Variants in BSN observed in about 807,000 individuals in gnomAD.
BSN encodes the protein bassoon presynaptic cytomatrix protein.
Under a neutral mutation model 264.8 loss-of-function variants are expected in BSN, and 57 were observed. That is an observed-to-expected ratio of 0.22 (90% CI 0.17 to 0.27). The LOEUF (loss-of-function observed/expected upper bound fraction) is 0.27, where lower values mean the gene tolerates loss of function less well. Ranked by LOEUF, BSN falls within the 10% of genes least tolerant of loss-of-function variation. The pLI, the probability that BSN is intolerant of heterozygous loss-of-function variation, is 1.00. For missense variants in BSN, 4,615 were observed against 5,232.5 expected, an observed-to-expected ratio of 0.88 and a Z score of 3.64; for synonymous variants, 2,059 against 2,137.3, an observed-to-expected ratio of 0.96 and a Z score of 1.01.
chr3:49,572,044 C>A (rs1532204), intron 1 of BSN, among the ~76,000 whole-genome samples: 1 of 152,042 alleles, frequency 6.6e-6, no homozygotes, highest in African/African-American at 2.4e-5. Context: ...GAGTTCACAG[C>A]GGAAACACAA....
chr3:49,567,786 C>T (rs1192877994), intron 1 of BSN, among the ~76,000 whole-genome samples: 1 of 152,192 alleles, frequency 6.6e-6, no homozygotes, highest in Non-Finnish European at 1.5e-5. Context: ...GGAATTTGGG[C>T]AGAGCACAGT....
At position 49,651,914 on chromosome 3, in the gene BSN, C is replaced by G; in HGVS notation, c.2358C>G (p.Asp786Glu). ...AGGATATCCTGGAGGAAGACGAAGA[C>G]TCTGCTGAGTGGAGGCGCCGGAGAG... ...ELEDILEEDE[D>E]SAEWRRRREQ... Residue 786 changes from aspartate to glutamate, a missense_variant, in exon 5 of 12, where the codon GAC becomes GAG. By Grantham distance (45) the Asp-to-Glu change is conservative. Around this residue, in one of 3 missense-constraint regions of BSN, gnomAD observed 1,197 missense variants for 1,348.0 expected, o/e 0.89. Transcript: ENST00000296452. This position sits in a 1 kb window ranked among gnomAD's most constrained non-coding sequence, Gnocchi z 5.4. The G allele has an allele frequency of 6.2e-7, 1 of 1,613,916 alleles. No individual in the cohort carries two copies. Among genetic ancestry groups the G allele is most frequent in the Non-Finnish European group, 8.5e-7 (1 of 1,179,966 alleles).
rs1188368072 is a variant in BSN at position 49,653,547 on chromosome 3, A to G, written c.3991A>G (p.Ser1331Gly). The change falls in exon 5 of 12, where the codon AGC (serine) becomes GGC (glycine). Residue 1331 changes from serine (S) to glycine (G), a missense_variant. By Grantham distance (56) the Ser-to-Gly change is moderately conservative. This residue lies in a region of BSN where 3,415 missense variants were observed against 3,866.4 expected (regional missense o/e 0.88). Coordinates refer to ENST00000296452, the MANE Select transcript of BSN (RefSeq NM_003458.4). The surrounding 1 kb of genome is among the most constrained non-coding windows in gnomAD (Gnocchi z 6.3). ...CTTCTCTACCCCCACCTCCTCAGAC[A>G]GCAGCGGGGGCCGAGTTATTCCCGA... is the stretch of plus-strand genomic sequence containing the variant. ...VSFSTPTSSD[S>G]SGGRVIPDVR... 15 of 1,613,866 alleles carry G rather than the reference A, an allele frequency of 9.3e-6. 1 individual carries two copies. The highest frequency in any genetic ancestry group is 8.8e-5 in the South Asian group (8 of 91,062).
intron 2 of BSN, among the ~76,000 whole-genome samples, chr3:49,629,155 GT>G (rs1243691820): frequency 2.0e-5 from 3 of 152,214 alleles, no homozygotes; most frequent in African/African-American, 7.2e-5. Flanking sequence ...TAGATGTGGG[GT>G]TTTGGACAAA....
At chr3:49,610,169 C>A (rs2052194129) in intron 1 of BSN, among the ~76,000 whole-genome samples, 1 of 152,238 alleles carries the variant, frequency 6.6e-6, no homozygotes, top group African/African-American at 2.4e-5. Context: ...CCCCAGACCA[C>A]TGACCCCTCC....
At chr3:49,596,260 C>T (rs907142503) in intron 1 of BSN, among the ~76,000 whole-genome samples, 2 of 151,868 alleles carry the variant, frequency 1.3e-5, no homozygotes, top group Admixed American at 6.6e-5. Context: ...AAAAATTAGC[C>T]GGGTGTGGTG....
chr3:49,572,160 T>G (rs2051801981), intron 1 of BSN, among the ~76,000 whole-genome samples: 1 of 152,188 alleles, frequency 6.6e-6, no homozygotes, highest in African/African-American at 2.4e-5. Flanking sequence ...AGCTCTTTTC[T>G]TGGGAAAACT....
In BSN at chr3:49,655,148, G is replaced by A; in HGVS notation, c.5592G>A (p.Val1864=). The stretch of plus-strand genomic sequence containing the variant: ...GTGCCAGGAAGCCACACACAGTGGT[G>A]GTGCAGATGGGAGAGGGCACAGCAG... ...LPGARKPHTV[V]VQMGEGTAGT... The change falls in exon 5 of 12, where the codon GTG becomes GTA. Residue 1864 remains valine (V), a synonymous_variant. Coordinates refer to ENST00000296452, the MANE Select transcript of BSN (RefSeq NM_003458.4). 7 of 1,612,584 alleles carry A rather than the reference G, an allele frequency of 4.3e-6. No individual in the cohort carries two copies. Among genetic ancestry groups the A allele is most frequent in the Non-Finnish European group, 5.9e-6 (7 of 1,179,748 alleles).
chr3:49,588,528 A>G (rs1452442265), intron 1 of BSN, among the ~76,000 whole-genome samples: 2 of 152,206 alleles, frequency 1.3e-5, no homozygotes, highest in African/African-American at 4.8e-5. Flanking sequence ...TTCAGCATCA[A>G]TTGAAATGAA....
At chr3:49,580,212 C>T (rs2051885214) in intron 1 of BSN, among the ~76,000 whole-genome samples, 1 of 151,664 alleles carries the variant, frequency 6.6e-6, no homozygotes, top group African/African-American at 2.4e-5. Context: ...CCCTGAGTAG[C>T]TGGGACTACA....
chr3:49,560,728 A>C (rs1559591785), intron 1 of BSN, among the ~76,000 whole-genome samples: 1 of 152,046 alleles, frequency 6.6e-6, no homozygotes, highest in Non-Finnish European at 1.5e-5. Context: ...ATCTCCTCTC[A>C]CTAGCACAGT....
intron 1 of BSN, among the ~76,000 whole-genome samples, chr3:49,580,646 A>G (rs539800269): frequency 1.3e-5 from 2 of 152,102 alleles, no homozygotes; most frequent in East Asian, 3.9e-4. Flanking sequence ...TTTTGTAGAT[A>G]TCAGGTTTTA....
chr3:49,648,376 C>G (rs1183859915), intron 3 of BSN, among the ~76,000 whole-genome samples: 1 of 152,354 alleles, frequency 6.6e-6, no homozygotes, highest in Admixed American at 6.5e-5. Context: ...TGCCTTGGGC[C>G]AGCCCACTGG....
At position 49,652,251 on chromosome 3, in the gene BSN, C is replaced by G. The variant is rs1289345204; in HGVS notation, c.2695C>G (p.His899Asp). 1 of 1,604,688 alleles carries G rather than the reference C, an allele frequency of 6.2e-7. No homozygotes were observed. Among genetic ancestry groups the G allele is most frequent in the Admixed American group, 1.7e-5 (1 of 58,882 alleles). Reference protein sequence around the residue: ...PAALPKRRLPHNATTGYEELL... With the variant: ...PAALPKRRLPDNATTGYEELL... Reference sequence around the variant, plus strand: ...AGCACTGCCCAAGAGGCGCCTGCCCCACAATGCCACCACGGGCTATGAGGA... The same window carrying G: ...AGCACTGCCCAAGAGGCGCCTGCCCGACAATGCCACCACGGGCTATGAGGA... The change falls in exon 5 of 12, where the codon CAC (histidine) becomes GAC (aspartate). Residue 899 changes from histidine to aspartate, a missense_variant. By Grantham distance (81) the His-to-Asp change is moderately conservative (BLOSUM62 -1). Transcript: ENST00000296452.
At chr3:49,609,716 T>C (rs2052189023) in intron 1 of BSN, among the ~76,000 whole-genome samples, 2 of 152,206 alleles carry the variant, frequency 1.3e-5, no homozygotes, top group African/African-American at 4.8e-5. Flanking sequence ...TTGTGGCAGC[T>C]ACCACAGGAA....
chr3:49,557,047 G>T (rs1200176822), intron 1 of BSN, among the ~76,000 whole-genome samples: 1 of 152,186 alleles, frequency 6.6e-6, no homozygotes, highest in Non-Finnish European at 1.5e-5. Flanking sequence ...TGGACTCTGT[G>T]AGGGGGTGGC....
At chr3:49,606,652 C>T (rs2052154952) in intron 1 of BSN, among the ~76,000 whole-genome samples, 1 of 151,872 alleles carries the variant, frequency 6.6e-6, no homozygotes, top group South Asian at 2.1e-4. Context: ...GTGCTCTGGC[C>T]ACCATTGGAG....
chr3:49,607,142 C>T (rs1389788812), intron 1 of BSN, among the ~76,000 whole-genome samples: 1 of 152,246 alleles, frequency 6.6e-6, no homozygotes, highest in East Asian at 1.9e-4. Context: ...TACAGTTCTA[C>T]CATTATCTCT....
intron 1 of BSN, among the ~76,000 whole-genome samples, chr3:49,595,046 A>T (rs1337719523): frequency 6.6e-6 from 1 of 151,858 alleles, no homozygotes; most frequent in Non-Finnish European, 1.5e-5. Flanking sequence ...GTGCACCATC[A>T]TGCCCGGCTA....
Sources: gnomAD v4.1 joint callset for allele counts (sites outside exome capture counted in the v4.1 genomes callset) on GRCh38, gnomAD v4.1.1 for gene constraint, gnomAD v4.1.1 regional missense constraint, Gnocchi (gnomAD v3.1) non-coding constraint, MANE v1.5 for transcripts, NCBI Gene and HGNC (gene_info 2026-07-23, HGNC 2026-07-21) for gene names.